PALM2AKAP2: variants seen among roughly 807,000 people sequenced by gnomAD.
PALM2AKAP2 encodes PALM2-AKAP2 fusion protein.
PALM2AKAP2 carries 37 observed loss-of-function variants against 71.5 expected under a neutral mutation model. That is an observed-to-expected ratio of 0.52 (90% CI 0.40 to 0.68). The LOEUF (loss-of-function observed/expected upper bound fraction) is 0.68. Ranked by LOEUF, PALM2AKAP2 falls within the 30% of genes least tolerant of loss-of-function variation. The pLI, the probability that PALM2AKAP2 is intolerant of heterozygous loss-of-function variation, is 0.00. For missense variants in PALM2AKAP2, 1,224 were observed against 1,191.8 expected, an observed-to-expected ratio of 1.03 and a Z score of -0.40; for synonymous variants, 468 against 478.8, an observed-to-expected ratio of 0.98 and a Z score of 0.29.
intron 1 of PALM2AKAP2, among the ~76,000 whole-genome samples, chr9:109,685,235 CTG>C (rs1195684527): frequency 3.9e-5 from 6 of 152,124 alleles, no homozygotes; most frequent in African/African-American, 1.4e-4. Context: ...AATCCCATGA[CTG>C]TGTATGTTTA....
exon 2 of PALM2AKAP2, chr9:110,136,985 A>T: frequency 1.2e-6 from 2 of 1,614,180 alleles, no homozygotes; most frequent in Non-Finnish European, 1.7e-6. Flanking sequence ...GGAAAAAACC[A>T]TCGAGGAGCA....
upstream of PALM2AKAP2, among the ~76,000 whole-genome samples, chr9:109,775,362 C>T (rs1011634299): frequency 1.4e-4 from 22 of 152,346 alleles, no homozygotes; most frequent in Middle Eastern, 3.4e-3. Flanking sequence ...GTTTATTTTT[C>T]ACAATGGTGC....
chr9:110,136,644 C>T, exon 2 of PALM2AKAP2: 1 of 1,614,126 alleles, frequency 6.2e-7, no homozygotes, highest in Non-Finnish European at 8.5e-7. Context: ...GGCCATTCCC[C>T]CAGCCAGCCT....
intron 1 of PALM2AKAP2, among the ~76,000 whole-genome samples, chr9:109,671,278 G>A (rs930632938): frequency 6.6e-6 from 1 of 152,158 alleles, no homozygotes; most frequent in African/African-American, 2.4e-5. Context: ...GTTAATTTCT[G>A]TATATAGTAT....
At chr9:110,005,789 A>G (rs952306805) in intron 6 of PALM2AKAP2, among the ~76,000 whole-genome samples, 8 of 152,198 alleles carry the variant, frequency 5.3e-5, no homozygotes, top group Admixed American at 5.2e-4. Context: ...TGTGCTAGCA[A>G]TGAGCGAGGC....
At chr9:110,064,081 G>C (rs1169516989) in intron 1 of PALM2AKAP2, among the ~76,000 whole-genome samples, 4 of 152,086 alleles carry the variant, frequency 2.6e-5, no homozygotes, top group Non-Finnish European at 5.9e-5. Flanking sequence ...GGGTGGAGGG[G>C]GTAAGGAGCT....
chr9:109,656,147 T>G (rs1395388680), intron 1 of PALM2AKAP2, among the ~76,000 whole-genome samples: 2 of 152,082 alleles, frequency 1.3e-5, no homozygotes, highest in Non-Finnish European at 2.9e-5. Flanking sequence ...AAAAAGTGGG[T>G]ATGGGCAACC....
At chr9:110,120,796 C>A (rs955426783) in intron 1 of PALM2AKAP2, among the ~76,000 whole-genome samples, 1 of 152,222 alleles carries the variant, frequency 6.6e-6, no homozygotes, top group Non-Finnish European at 1.5e-5. Context: ...TAAGCCACTG[C>A]GCCCGGGCCA....
chr9:110,024,829 T>G (rs553972713), intron 7 of PALM2AKAP2: 2 of 696,694 alleles, frequency 2.9e-6, no homozygotes, highest in African/African-American at 1.8e-5. Context: ...TTTTTTGTTT[T>G]TTTTTTTTAA....
intron 1 of PALM2AKAP2, among the ~76,000 whole-genome samples, chr9:109,661,538 C>G (rs1211355823): frequency 6.6e-6 from 1 of 152,132 alleles, no homozygotes; most frequent in African/African-American, 2.4e-5. Flanking sequence ...TGTTTTGGTA[C>G]CAGTACCATG....
At chr9:110,048,788 C>T (rs1284713128) in exon 1 of PALM2AKAP2, 1 of 1,534,642 alleles carries the variant, frequency 6.5e-7, no homozygotes, top group Non-Finnish European at 8.7e-7. Flanking sequence ...GAGCGGGAGG[C>T]AGCGGCCGCG....
chr9:109,847,385 A>C (rs530886986), intron 1 of PALM2AKAP2, among the ~76,000 whole-genome samples: 2 of 152,254 alleles, frequency 1.3e-5, no homozygotes, highest in Non-Finnish European at 2.9e-5. Context: ...CTCCAAAGGG[A>C]GTGTGGCACT....
At chr9:109,811,933 G>A (rs923925505) in intron 1 of PALM2AKAP2, among the ~76,000 whole-genome samples, 7 of 152,236 alleles carry the variant, frequency 4.6e-5, no homozygotes. Context: ...ATAAGGCACT[G>A]TAGATGAATC....
chr9:110,023,886 G>A (rs1833124208), intron 7 of PALM2AKAP2, among the ~76,000 whole-genome samples: 1 of 152,058 alleles, frequency 6.6e-6, no homozygotes, highest in Non-Finnish European at 1.5e-5. Context: ...TGGCTACTTG[G>A]GAGGCAAGAG....
chr9:109,835,094 G>T (rs1032368442), intron 1 of PALM2AKAP2, among the ~76,000 whole-genome samples: 2 of 151,760 alleles, frequency 1.3e-5, no homozygotes, highest in Admixed American at 6.6e-5. Context: ...TTTGACACCT[G>T]GCATTTGTGT....
intron 1 of PALM2AKAP2, among the ~76,000 whole-genome samples, chr9:109,650,466 G>C (rs12349958): frequency 0.08 from 12,148 of 152,048 alleles, 590 homozygotes; most frequent in East Asian, 0.23. Context: ...ACCTAGGCTG[G>C]AGCATAGTAG....
intron 3 of PALM2AKAP2, among the ~76,000 whole-genome samples, chr9:109,897,889 C>T (rs1026949605): frequency 3.3e-5 from 5 of 152,294 alleles, no homozygotes; most frequent in Admixed American, 1.3e-4. Context: ...CAAGATTCCA[C>T]TGTGTTTCAT....
intron 1 of PALM2AKAP2, among the ~76,000 whole-genome samples, chr9:109,689,200 CTTTTTT>C (rs200092612): frequency 0.19 from 25,883 of 133,804 alleles, 2,519 homozygotes; most frequent in Middle Eastern, 0.33. Context: ...TTTTTCTTTT[CTTTTTT>C]TTTTTTTTTT....
At chr9:110,021,741 TA>T (rs35196810) in intron 7 of PALM2AKAP2, among the ~76,000 whole-genome samples, 2,934 of 142,372 alleles carry the variant, frequency 0.021, 50 homozygotes, top group Admixed American at 0.055. Context: ...ACATTGAATT[TA>T]AAAAAAAAAA....
Sources: gnomAD v4.1 joint callset for allele counts (sites outside exome capture counted in the v4.1 genomes callset) on GRCh38, gnomAD v4.1.1 for gene constraint, MANE v1.5 for transcripts, NCBI Gene and HGNC (gene_info 2026-07-23, HGNC 2026-07-21) for gene names.